DHX32: variants seen among roughly 807,000 people sequenced by gnomAD.
DHX32 encodes the protein DEAH-box helicase 32 (putative).
Under a neutral mutation model 70.0 loss-of-function variants are expected in DHX32, and 51 were observed. The observed-to-expected ratio is 0.73, with a 90% CI of 0.58 to 0.92. The LOEUF (loss-of-function observed/expected upper bound fraction) is 0.92, where lower values mean the gene tolerates loss of function less well. Among genes scored for constraint, DHX32 ranks in the 40% least tolerant of loss-of-function variants. DHX32 has a pLI of 0.00. For missense variants in DHX32, 762 were observed against 891.8 expected, an observed-to-expected ratio of 0.85 and a Z score of 1.85; for synonymous variants, 310 against 315.3, an observed-to-expected ratio of 0.98 and a Z score of 0.18.
rs191005003 is a variant in DHX32, at chr10:125,839,890, A to G, written c.1694-702T>C. Among the ~76,000 whole-genome samples the G allele has an allele frequency of 3.3e-5, 5 of 152,300 alleles. No homozygotes were observed. In the East Asian group the frequency reaches 9.6e-4, roughly 29 times the overall value. ...TCCACTCATGCTGCTCGGAGCAACCACAGCATGTACTTAGTGTCACCCATT... is the reference window on the plus strand; with the variant it reads ...TCCACTCATGCTGCTCGGAGCAACCGCAGCATGTACTTAGTGTCACCCATT... On this transcript the variant is annotated intron_variant, in intron 8 of 10. Transcript: ENST00000284690.
At chr10:125,863,214 T>C (rs912495121) in intron 2 of DHX32, among the ~76,000 whole-genome samples, 1 of 152,026 alleles carries the variant, frequency 6.6e-6, no homozygotes, top group African/African-American at 2.4e-5. Context: ...TCTTGATATG[T>C]AGTTCCTAAA....
intron 9 of DHX32, among the ~76,000 whole-genome samples, chr10:125,838,756 A>G (rs1406722050): frequency 6.6e-6 from 1 of 152,172 alleles, no homozygotes; most frequent in Non-Finnish European, 1.5e-5. Flanking sequence ...TGATGTAGGA[A>G]CCTTACTTTA....
intron 4 of DHX32, 144 bp downstream of exon 4, chr10:125,853,814 ATTC>A (rs1003202088): frequency 8.1e-5 from 73 of 900,076 alleles, no homozygotes; most frequent in Non-Finnish European, 9.3e-5. Context: ...GGCTGCAATA[ATTC>A]TTCTTTGCAC....
At chr10:125,843,379 G>A (rs1854933388) in intron 6 of DHX32, among the ~76,000 whole-genome samples, 1 of 152,158 alleles carries the variant, frequency 6.6e-6, no homozygotes, top group Non-Finnish European at 1.5e-5. Context: ...GGGAGGCCGA[G>A]GCGGGAGGAT....
At position 125,840,832 on chromosome 10, in the gene DHX32, T is replaced by G. The variant is rs771683744; in HGVS notation, c.1693+15A>C. ...GAAGGTGGAATTAATAGGTAGTTTC[T>G]GAGCATTCACTTACACTCACTGCTA... On this transcript the variant is annotated intron_variant, in intron 8 of 10. Transcript: ENST00000284690. The G allele has an allele frequency of 1.3e-6, 2 of 1,560,702 alleles. No homozygotes were observed. The highest frequency in any genetic ancestry group is 2.4e-5 in the South Asian group (2 of 84,728).
Position 125,836,828 on chromosome 10 carries a change from A to G in DHX32, c.2091T>C (p.Tyr697=), listed in dbSNP as rs747897636. 3 of 1,614,082 alleles carry G rather than the reference A, an allele frequency of 1.9e-6. No individual in the cohort carries two copies. Among genetic ancestry groups the G allele is most frequent in the African/African-American group, 1.3e-5 (1 of 74,940 alleles). Residue 697 remains tyrosine (Y), a synonymous_variant, in exon 11 of 11, where the codon TAT becomes TAC. Transcript: ENST00000284690. ...ELFMQLVPQY[Y]FSNLPPSESK... is the part of the protein sequence containing the mutation. ...TTTCACTAGGAGGCAGATTACTGAA[A>G]TAGTATTGTGGTACCAGCTGCATAA...
intron 4 of DHX32, chr10:125,853,040 C>G: frequency 1.0e-6 from 1 of 993,406 alleles, no homozygotes; most frequent in Non-Finnish European, 1.5e-6. Context: ...TTGGTGGTCT[C>G]ACCTTTACAA....
chr10:125,881,502 A>G (rs1356611339), upstream of DHX32, among the ~76,000 whole-genome samples: 2 of 152,222 alleles, frequency 1.3e-5, no homozygotes, highest in African/African-American at 4.8e-5. Context: ...GGCTACAGGA[A>G]AATCTATTAT....
chr10:125,855,571 C>T (rs1421734252), intron 3 of DHX32, among the ~76,000 whole-genome samples: 2 of 151,408 alleles, frequency 1.3e-5, no homozygotes, highest in Non-Finnish European at 2.9e-5. Flanking sequence ...GCCTCAGCCT[C>T]CCGAGTAGCT....
intron 1 of DHX32, among the ~76,000 whole-genome samples, chr10:125,886,822 G>A (rs4333934): frequency 2.7e-5 from 4 of 148,318 alleles, no homozygotes; most frequent in Non-Finnish European, 4.5e-5. Context: ...CATGTATCAC[G>A]CTTGCTCTAG....
chr10:125,842,733 G>T, intron 6 of DHX32: 1 of 719,890 alleles, frequency 1.4e-6, no homozygotes, highest in Non-Finnish European at 1.7e-6. Context: ...AACTGACCTG[G>T]ATCTCAGATG....
intron 1 of DHX32, among the ~76,000 whole-genome samples, chr10:125,880,281 C>G (rs1944309287): frequency 6.6e-6 from 1 of 152,150 alleles, no homozygotes; most frequent in South Asian, 2.1e-4. Flanking sequence ...ATACTAGGAT[C>G]ATTTGAGTAA....
At chr10:125,882,314 A>G (rs1944321916), upstream of DHX32, among the ~76,000 whole-genome samples, 3 of 152,330 alleles carry the variant, frequency 2.0e-5, no homozygotes, top group African/African-American at 7.2e-5. Context: ...TTTTCGGATC[A>G]CCTGGTTTAC....
chr10:125,865,539 T>C (rs1336683063), intron 2 of DHX32, among the ~76,000 whole-genome samples: 4 of 152,150 alleles, frequency 2.6e-5, no homozygotes, highest in South Asian at 2.1e-4. Flanking sequence ...ATGGGCTTTC[T>C]TTTTTTCTGG....
In DHX32 at chr10:125,859,789, C is replaced by G. The variant is rs1006794614; in HGVS notation, c.663G>C (p.Leu221=). The G allele has an allele frequency of 1.2e-6, 2 of 1,613,878 alleles. No individual in the cohort carries two copies. The highest frequency in any genetic ancestry group is 2.2e-5 in the East Asian group (1 of 44,882). Residue 221 remains leucine, a synonymous_variant, in exon 3 of 11, where the codon CTG becomes CTC. Transcript: ENST00000284690. ...LKLIINSSPH[L]ISKLNSYYGN... ...CATAATAAGAATTGAGTTTGCTGATCAGGTGAGGTGAGGAGTTAATTATGA... is the reference window on the plus strand; with the variant it reads ...CATAATAAGAATTGAGTTTGCTGATGAGGTGAGGTGAGGAGTTAATTATGA...
rs543879050 is a variant in DHX32, at chr10:125,889,511, T to C, written c.-248+6707A>G. On this transcript the variant is annotated intron_variant, in intron 1 of 2. Transcript: ENST00000415732. ...CTGGTTTGTGGCAAGGTAAAGAGCT[T>C]GCACCAGAATGTAAATCAACTAACT... Among the ~76,000 whole-genome samples the C allele has an allele frequency of 4.5e-3, 682 of 152,338 alleles. 19 individuals are homozygous for C. In the East Asian group the frequency reaches 0.089, roughly 20 times the overall value.
At chr10:125,875,760 A>G (rs908275725) in intron 1 of DHX32, among the ~76,000 whole-genome samples, 10 of 152,116 alleles carry the variant, frequency 6.6e-5, no homozygotes, top group Non-Finnish European at 1.3e-4. Flanking sequence ...TGACCTGACA[A>G]CTCCATCTTG....
intron 4 of DHX32, 62 bp from the exon 5 acceptor site, chr10:125,852,704 T>C: frequency 7.0e-7 from 1 of 1,436,440 alleles, no homozygotes; most frequent in Non-Finnish European, 9.5e-7. Flanking sequence ...GGCTCACTGA[T>C]CCTGAAGAGA....
chr10:125,842,841 G>C (rs1047551423), intron 6 of DHX32: 1 of 906,260 alleles, frequency 1.1e-6, no homozygotes, highest in Non-Finnish European at 1.3e-6. Flanking sequence ...TTAAGTTTAT[G>C]TAACATCGAT....
Sources: allele counts gnomAD v4.1 joint callset (sites outside exome capture counted in the v4.1 genomes callset), GRCh38; gene constraint gnomAD v4.1.1; transcripts MANE v1.5; gene names NCBI Gene and HGNC (gene_info 2026-07-23, HGNC 2026-07-21).